SIPA1L2: variants seen among roughly 807,000 people sequenced by gnomAD.
SIPA1L2 encodes the protein signal induced proliferation associated 1 like 2.
In SIPA1L2, 56 loss-of-function variants were observed where a neutral mutation model predicts 163.9. That is an observed-to-expected ratio of 0.34 (90% CI 0.28 to 0.43). SIPA1L2 has a LOEUF of 0.43. SIPA1L2 is among the 20% of genes least tolerant of loss of function. The probability of loss-of-function intolerance (pLI) is 1.00; values close to 1 mark genes in which losing one functional copy is unlikely to be tolerated. For missense variants in SIPA1L2, 1,974 were observed against 2,193.5 expected, an observed-to-expected ratio of 0.90 and a Z score of 2.00; for synonymous variants, 877 against 865.7, an observed-to-expected ratio of 1.01 and a Z score of -0.23.
intron 2 of SIPA1L2, among the ~76,000 whole-genome samples, chr1:232,553,360 G>C (rs1302701705): frequency 1.3e-5 from 2 of 152,162 alleles, no homozygotes; most frequent in African/African-American, 4.8e-5. Flanking sequence ...CCTGGGGTTT[G>C]GGGTTTATAT....
chr1:232,410,328 C>T (rs1196792150), intron 19 of SIPA1L2, among the ~76,000 whole-genome samples: 2 of 152,060 alleles, frequency 1.3e-5, no homozygotes, highest in Non-Finnish European at 2.9e-5. Flanking sequence ...CTTTTAATTA[C>T]TTCACCTACT....
At chr1:232,597,676 C>A (rs1289038628) in intron 1 of SIPA1L2, among the ~76,000 whole-genome samples, 20 of 117,092 alleles carry the variant, frequency 1.7e-4, no homozygotes, top group African/African-American at 5.2e-4. Context: ...GGCGACAGAG[C>A]GAAACTCTGT....
chr1:232,458,787 T>C (rs1230024133), intron 10 of SIPA1L2, among the ~76,000 whole-genome samples: 1 of 152,222 alleles, frequency 6.6e-6, no homozygotes, highest in Non-Finnish European at 1.5e-5. Flanking sequence ...ACATATACAG[T>C]ACTTTAGCTT....
At chr1:232,518,120 G>T (rs1667294899) in intron 2 of SIPA1L2, among the ~76,000 whole-genome samples, 1 of 152,138 alleles carries the variant, frequency 6.6e-6, no homozygotes, top group Non-Finnish European at 1.5e-5. Context: ...TTATCATTAG[G>T]TTCACTACAA....
At position 232,576,565 on chromosome 1, in the gene SIPA1L2, A is replaced by G. The variant is rs183772463; in HGVS notation, c.-318-2343T>C. On this transcript the variant is annotated intron_variant, in intron 1 of 22. Transcript: ENST00000674635. ...GTAGGCCAATTAATAACCATACAAC[A>G]GCCTCTCCGTATTCAAGTAAGAGTC... Among the ~76,000 whole-genome samples, 10 of 152,352 alleles carry G rather than the reference A, an allele frequency of 6.6e-5. No homozygotes were observed. In the East Asian group the frequency reaches 1.7e-3, roughly 26 times the overall value.
At chr1:232,609,841 A>AT in intron 1 of SIPA1L2, among the ~76,000 whole-genome samples, 1 of 151,890 alleles carries the variant, frequency 6.6e-6, no homozygotes, top group East Asian at 1.9e-4. Flanking sequence ...AAAAAAAAAA[A>AT]AAAAGAAAAA....
At chr1:232,531,251 A>G (rs1331549610) in intron 2 of SIPA1L2, among the ~76,000 whole-genome samples, 3 of 144,418 alleles carry the variant, frequency 2.1e-5, no homozygotes, top group Non-Finnish European at 4.5e-5. Flanking sequence ...CTTACCAACC[A>G]AAACCACTTA....
rs182832881 is a variant in SIPA1L2, at chr1:232,486,505, G to A, written c.1807-2539C>T. On this transcript the variant is annotated intron_variant, in intron 5 of 22. Transcript: ENST00000674635. ...AAAGCAGATTTCAAGGCCCTCAGAT[G>A]TCTTAGGACAGCTGCCATACTCTGG... Among the ~76,000 whole-genome samples the A allele has an allele frequency of 1.2e-3, 187 of 152,258 alleles. 1 individual carries two copies. The highest frequency in any genetic ancestry group is 4.3e-3 in the African/African-American group (179 of 41,558).
At chr1:232,492,360 G>A (rs1665975249) in intron 4 of SIPA1L2, among the ~76,000 whole-genome samples, 2 of 152,190 alleles carry the variant, frequency 1.3e-5, no homozygotes, top group African/African-American at 4.8e-5. Flanking sequence ...TTAAGAGATA[G>A]GGTCTTGCTA....
intron 2 of SIPA1L2, among the ~76,000 whole-genome samples, chr1:232,528,720 C>T (rs1667836753): frequency 6.6e-6 from 1 of 152,184 alleles, no homozygotes; most frequent in African/African-American, 2.4e-5. Context: ...CATTTGGCTC[C>T]TGCTAGTTAC....
chr1:232,490,807 A>G, intron 5 of SIPA1L2, 67 bp downstream of exon 5: 7 of 1,483,648 alleles, frequency 4.7e-6, no homozygotes, highest in Non-Finnish European at 6.4e-6. Flanking sequence ...ATGGATGGGA[A>G]AACTCCAAAA....
intron 19 of SIPA1L2, among the ~76,000 whole-genome samples, chr1:232,406,686 C>T (rs939870161): frequency 6.6e-6 from 1 of 151,776 alleles, no homozygotes; most frequent in Non-Finnish European, 1.5e-5. Context: ...GTCTGATCAA[C>T]GTGTTATGTC....
At chr1:232,506,508 C>A (rs1666738036) in intron 3 of SIPA1L2, among the ~76,000 whole-genome samples, 1 of 152,268 alleles carries the variant, frequency 6.6e-6, no homozygotes, top group Middle Eastern at 3.4e-3. Flanking sequence ...AATGGATGGA[C>A]ACTTTTACCT....
Position 232,602,609 on chromosome 1 carries a change from G to A in SIPA1L2, c.-319+27260C>T, listed in dbSNP as rs1325090405. On this transcript the variant is annotated intron_variant, in intron 1 of 22. Transcript: ENST00000674635. ...CTCCCAAAGTGCTGGGACTACGGGC[G>A]TGAGCCACTGCCTCTGGCCACCCTC... Among the ~76,000 whole-genome samples, 5 of 152,204 alleles carry A rather than the reference G, an allele frequency of 3.3e-5. No homozygotes were observed. In the Middle Eastern group the frequency reaches 0.01, roughly 311 times the overall value.
At chr1:232,440,302 G>C (rs1188205128) in intron 14 of SIPA1L2, among the ~76,000 whole-genome samples, 1 of 152,190 alleles carries the variant, frequency 6.6e-6, no homozygotes, top group African/African-American at 2.4e-5. Context: ...TCAGCAAAGG[G>C]CTTTGGAATC....
intron 1 of SIPA1L2, among the ~76,000 whole-genome samples, chr1:232,626,513 C>A (rs1442411168): frequency 1.3e-5 from 2 of 152,154 alleles, no homozygotes; most frequent in Non-Finnish European, 2.9e-5. Context: ...TTCTTTGGAA[C>A]CAAAGTTTAT....
At position 232,447,194 on chromosome 1, in the gene SIPA1L2, T is replaced by C. The variant is rs12041828; in HGVS notation, c.3096-1408A>G. Among the ~76,000 whole-genome samples the C allele has an allele frequency of 0.027, 4,107 of 152,360 alleles. 509 individuals carry two copies. In the East Asian group the frequency reaches 0.39, roughly 15 times the overall value. ...TGTTGAGATGATAGTATTTTGGAGA[T>C]ATAAAGTTAAAATATATTACTAAAA... On this transcript the variant is annotated intron_variant, in intron 10 of 22. Transcript: ENST00000674635.
chr1:232,593,531 T>C (rs867361790), intron 1 of SIPA1L2, among the ~76,000 whole-genome samples: 78 of 152,192 alleles, frequency 5.1e-4, no homozygotes, highest in African/African-American at 1.7e-3. Context: ...CAATTTTAGT[T>C]TGGTTTCAGA....
intron 9 of SIPA1L2, chr1:232,462,133 T>C: frequency 8.6e-7 from 1 of 1,161,748 alleles, no homozygotes. Flanking sequence ...AGAAGAATGG[T>C]GGATTGCATC....
Sources: allele counts gnomAD v4.1 joint callset (sites outside exome capture counted in the v4.1 genomes callset), GRCh38; gene constraint gnomAD v4.1.1; transcripts MANE v1.5; gene names NCBI Gene and HGNC (gene_info 2026-07-23, HGNC 2026-07-21).